Variants in CADM2 observed in about 807,000 individuals in gnomAD.
The protein encoded by CADM2 is cell adhesion molecule 2.
In CADM2, 12 loss-of-function variants were observed where a neutral mutation model predicts 49.8. That is an observed-to-expected ratio of 0.24 (90% CI 0.15 to 0.39). CADM2 has a LOEUF of 0.39. Among genes scored for constraint, CADM2 ranks in the 10% least tolerant of loss-of-function variants. The pLI is 1.00. For missense variants in CADM2, 378 were observed against 492.3 expected, an observed-to-expected ratio of 0.77 and a Z score of 2.20; for synonymous variants, 214 against 175.4, an observed-to-expected ratio of 1.22 and a Z score of -1.74.
At chr3:85,903,582 A>C (rs971197210) in intron 5 of CADM2, among the ~76,000 whole-genome samples, 2 of 152,096 alleles carry the variant, frequency 1.3e-5, no homozygotes, top group African/African-American at 4.8e-5. Context: ...TTCCTTTGTA[A>C]AAGTACCCGT....
intron 9 of CADM2, 30 bp from the exon 10 acceptor site, chr3:86,066,635 G>C (rs1578107591): frequency 6.8e-7 from 1 of 1,480,912 alleles, no homozygotes. Context: ...GTCTCACAGA[G>C]CTAACATATT....
At chr3:85,733,317 G>A (rs910323837) in intron 2 of CADM2, among the ~76,000 whole-genome samples, 1 of 152,200 alleles carries the variant, frequency 6.6e-6, no homozygotes, top group Non-Finnish European at 1.5e-5. Context: ...TTTATTGTAA[G>A]ATGACCCAGT....
chr3:85,962,162 G>T (rs992500852), intron 8 of CADM2, among the ~76,000 whole-genome samples: 1 of 151,870 alleles, frequency 6.6e-6, no homozygotes, highest in East Asian at 2.0e-4. Context: ...CAAGTTATCA[G>T]CCTGCCTCGG....
intron 1 of CADM2, among the ~76,000 whole-genome samples, chr3:85,651,703 A>G (rs1364604874): frequency 6.6e-6 from 1 of 152,112 alleles, no homozygotes; most frequent in Non-Finnish European, 1.5e-5. Context: ...AATGTAGGAT[A>G]TGTTTCCCAA....
In CADM2 at chr3:85,017,153, A is replaced by G. The variant is rs867800001; in HGVS notation, c.61+57485A>G. On this transcript the variant is annotated intron_variant, in intron 1 of 9. Coordinates refer to ENST00000383699, the MANE Select transcript of CADM2 (RefSeq NM_001167675.2). ...AAAGGACACAAGTTGTATTTACTCA[A>G]AAGCAGTTGGGAAAAAGCAGATGGA... 1.6e-4 allele frequency among the ~76,000 whole-genome samples: 25 copies of G among 152,328 alleles called. No individual in the cohort carries two copies. The Middle Eastern group carries it at 0.014, about 83-fold the overall frequency.
At chr3:85,530,978 G>A (rs1011270488) in intron 1 of CADM2, among the ~76,000 whole-genome samples, 1 of 151,320 alleles carries the variant, frequency 6.6e-6, no homozygotes, top group Non-Finnish European at 1.5e-5. Context: ...TTTCTTGTCT[G>A]TAACATGAGT....
At chr3:85,486,275 G>A (rs2039412100) in intron 1 of CADM2, among the ~76,000 whole-genome samples, 1 of 151,354 alleles carries the variant, frequency 6.6e-6, no homozygotes, top group Non-Finnish European at 1.5e-5. Context: ...ATATTGCAAA[G>A]GTATACATTT....
chr3:85,369,264 G>C (rs562570903), intron 1 of CADM2, among the ~76,000 whole-genome samples: 1 of 152,108 alleles, frequency 6.6e-6, no homozygotes, highest in Non-Finnish European at 1.5e-5. Flanking sequence ...CAGTATTTTT[G>C]CACACACAAT....
chr3:85,387,422 A>T (rs1376231142), intron 1 of CADM2, among the ~76,000 whole-genome samples: 1 of 152,164 alleles, frequency 6.6e-6, no homozygotes, highest in Non-Finnish European at 1.5e-5. Flanking sequence ...ATCACTATTG[A>T]ACAGAGTTGC....
At chr3:85,860,358 T>C (rs1243591324) in intron 3 of CADM2, among the ~76,000 whole-genome samples, 3 of 152,082 alleles carry the variant, frequency 2.0e-5, no homozygotes, top group East Asian at 1.9e-4. Context: ...ATAGGTAATA[T>C]GTATTTACAT....
intron 1 of CADM2, among the ~76,000 whole-genome samples, chr3:85,368,134 A>G (rs1362293442): frequency 6.6e-6 from 1 of 152,034 alleles, no homozygotes; most frequent in Non-Finnish European, 1.5e-5. Context: ...GCTATTATTA[A>G]TTGAATTTTG....
At chr3:85,536,124 A>C (rs2061417210) in intron 1 of CADM2, among the ~76,000 whole-genome samples, 1 of 152,092 alleles carries the variant, frequency 6.6e-6, no homozygotes, top group Non-Finnish European at 1.5e-5. Context: ...AAGGAAATAA[A>C]GTCATTGTGT....
chr3:85,517,102 T>C (rs892664216), intron 1 of CADM2, among the ~76,000 whole-genome samples: 2 of 151,892 alleles, frequency 1.3e-5, no homozygotes, highest in Admixed American at 1.3e-4. Context: ...TCTTATAATC[T>C]ATAGAATCAC....
chr3:85,282,267 C>CT (rs1559757566), intron 1 of CADM2, among the ~76,000 whole-genome samples: 16 of 113,576 alleles, frequency 1.4e-4, no homozygotes, highest in African/African-American at 3.9e-4. Flanking sequence ...TTTTTTTTTG[C>CT]CTTTTTTTTT....
chr3:85,691,688 C>T lies in CADM2; in HGVS notation c.62-34834C>T, dbSNP rs6549052. On this transcript the variant is annotated intron_variant, in intron 1 of 9. Coordinates refer to ENST00000383699, the MANE Select transcript of CADM2 (RefSeq NM_001167675.2). ...GACACATGCACACGTATGTTTATTG[C>T]GGCACTATTCACAATAGCAAAGACT... Among the ~76,000 whole-genome samples the T allele has an allele frequency of 1.4e-4, 22 of 151,882 alleles. No individual in the cohort carries two copies. In the East Asian group the frequency reaches 3.3e-3, roughly 23 times the overall value.
intron 1 of CADM2, among the ~76,000 whole-genome samples, chr3:85,047,900 ATTGT>A (rs1371557173): frequency 1.7e-4 from 26 of 152,102 alleles, no homozygotes; most frequent in Middle Eastern, 3.2e-3. Flanking sequence ...CTGCTAATAT[ATTGT>A]TTTTGTGATG....
intron 6 of CADM2, among the ~76,000 whole-genome samples, chr3:85,919,742 G>T (rs538976382): frequency 4.5e-4 from 68 of 151,888 alleles, no homozygotes; most frequent in Non-Finnish European, 4.9e-4. Flanking sequence ...ATTACTTTGT[G>T]CCCAGAGAAA....
intron 1 of CADM2, among the ~76,000 whole-genome samples, chr3:85,037,675 T>C (rs1259253322): frequency 6.6e-6 from 1 of 152,170 alleles, no homozygotes; most frequent in African/African-American, 2.4e-5. Context: ...CTTTTCTTTA[T>C]GTTTGTCCCC....
At chr3:85,723,904 T>C (rs1417462497) in intron 1 of CADM2, among the ~76,000 whole-genome samples, 4 of 152,000 alleles carry the variant, frequency 2.6e-5, no homozygotes, top group African/African-American at 9.7e-5. Flanking sequence ...TGAATTTGAG[T>C]TTGAAGCAAA....
Sources: allele counts gnomAD v4.1 joint callset (sites outside exome capture counted in the v4.1 genomes callset), GRCh38; gene constraint gnomAD v4.1.1; transcripts MANE v1.5; gene names NCBI Gene and HGNC (gene_info 2026-07-23, HGNC 2026-07-21).